FLI1: variants seen among roughly 807,000 people sequenced by gnomAD.
The protein encoded by FLI1 is Friend leukemia integration 1 transcription factor.
A neutral mutation model predicts 53.1 loss-of-function variants in FLI1; 13 were observed. The ratio of observed to expected loss-of-function variants is 0.24; its 90% CI spans 0.16 to 0.39. The LOEUF (loss-of-function observed/expected upper bound fraction) is 0.39, where lower values mean the gene tolerates loss of function less well. FLI1 is among the 10% of genes least tolerant of loss of function. FLI1 has a pLI of 1.00. For synonymous variants in FLI1, 244 were observed against 236.7 expected, an observed-to-expected ratio of 1.03 and a Z score of -0.28; for missense variants, 424 against 600.5, an observed-to-expected ratio of 0.71 and a Z score of 3.07.
chr11:128,689,418 T>C (rs1033169148), upstream of FLI1, among the ~76,000 whole-genome samples: 12 of 152,032 alleles, frequency 7.9e-5, no homozygotes, highest in South Asian at 2.1e-4. Flanking sequence ...ACCCCCCAGG[T>C]TCCTTGCTCT....
intron 1 of FLI1, among the ~76,000 whole-genome samples, chr11:128,739,897 G>T (rs535369990): frequency 6.6e-6 from 1 of 152,130 alleles, no homozygotes; most frequent in Non-Finnish European, 1.5e-5. Flanking sequence ...GATCGTTAAG[G>T]CATTTTGACA....
chr11:128,711,949 C>T (rs1161839974), intron 1 of FLI1, among the ~76,000 whole-genome samples: 2 of 152,144 alleles, frequency 1.3e-5, no homozygotes, highest in East Asian at 3.8e-4. Flanking sequence ...TTAAAACTTA[C>T]TAGTTAGACT....
intron 1 of FLI1, among the ~76,000 whole-genome samples, chr11:128,752,329 C>T (rs532216121): frequency 6.6e-6 from 1 of 152,272 alleles, no homozygotes; most frequent in South Asian, 2.1e-4. Flanking sequence ...GATTTAGGTA[C>T]TTTACTCATA....
chr11:128,691,079 A>G (rs1273291619), upstream of FLI1, among the ~76,000 whole-genome samples: 1 of 152,188 alleles, frequency 6.6e-6, no homozygotes, highest in Non-Finnish European at 1.5e-5. Context: ...CTGCCCCACT[A>G]ACACAAGACA....
intron 3 of FLI1, among the ~76,000 whole-genome samples, chr11:128,770,609 G>C (rs1941516105): frequency 6.6e-6 from 1 of 152,140 alleles, no homozygotes; most frequent in Non-Finnish European, 1.5e-5. Flanking sequence ...TAGAGGGAGA[G>C]TAATAATATT....
chr11:128,740,338 C>T (rs1940080650), intron 1 of FLI1, among the ~76,000 whole-genome samples: 1 of 152,242 alleles, frequency 6.6e-6, no homozygotes, highest in South Asian at 2.1e-4. Flanking sequence ...TATCTATTCA[C>T]TTCTTCCCTT....
chr11:128,689,168 CAAA>C (rs563331729), upstream of FLI1, among the ~76,000 whole-genome samples: 1,748 of 151,850 alleles, frequency 0.012, 41 homozygotes, highest in African/African-American at 0.04. Flanking sequence ...AGCTAGAATT[CAAA>C]CCTAGGTGCG....
At chr11:128,694,397 C>A (rs1490178197) in intron 1 of FLI1, 121 bp downstream of exon 1, 2 of 808,600 alleles carry the variant, frequency 2.5e-6, no homozygotes, top group South Asian at 6.0e-5. Context: ...CTCCGCGCCC[C>A]GGCTTCGCGC....
At chr11:128,789,336 A>T (rs978892735) in intron 5 of FLI1, among the ~76,000 whole-genome samples, 1 of 152,120 alleles carries the variant, frequency 6.6e-6, no homozygotes, top group East Asian at 1.9e-4. Context: ...TGGATGTTTC[A>T]TTGTGAGACA....
chr11:128,692,304 CCAGG>C (rs1038666014), upstream of FLI1, among the ~76,000 whole-genome samples: 5 of 152,100 alleles, frequency 3.3e-5, no homozygotes, highest in Non-Finnish European at 7.4e-5. Context: ...ACTGGTGGCC[CCAGG>C]CAAAGGGGGG....
intron 1 of FLI1, among the ~76,000 whole-genome samples, chr11:128,740,950 T>C (rs899808845): frequency 6.6e-6 from 1 of 152,168 alleles, no homozygotes; most frequent in Admixed American, 6.5e-5. Context: ...CCCGTTCTCA[T>C]GCCAACGTTG....
intron 1 of FLI1, among the ~76,000 whole-genome samples, chr11:128,755,999 G>C (rs146380775): frequency 2.0e-3 from 308 of 152,316 alleles, no homozygotes; most frequent in African/African-American, 7.2e-3. Flanking sequence ...ACAGCCCATG[G>C]AGCAGGTTGT....
Position 128,694,231 on chromosome 11 carries a change from TG to T in FLI1, c.-22del, listed in dbSNP as rs746564927. 2.7e-6 allele frequency: 4 copies of T among 1,507,294 alleles called. No individual in the cohort carries two copies. Among genetic ancestry groups the T allele is most frequent in the Admixed American group, 2.3e-5 (1 of 44,104 alleles). 93.4% of individuals were successfully genotyped at this position (1,507,294 alleles called of 1,614,324 possible). Reference sequence around the variant, plus strand: ...GTAACCGGGTCAATGTGTGGAATATTGGGGGGCTCGGCTGCAGACTTGGCCA... The same window carrying T: ...GTAACCGGGTCAATGTGTGGAATATTGGGGGCTCGGCTGCAGACTTGGCCA... On this transcript the variant is annotated 5_prime_UTR_variant, in exon 1 of 9. Transcript: ENST00000527786.
chr11:128,805,106 G>A (rs1222601941), intron 5 of FLI1: 5 of 366,506 alleles, frequency 1.4e-5, no homozygotes, highest in Non-Finnish European at 1.9e-5. Flanking sequence ...GTGTCAGGAA[G>A]AGAACTTGAA....
intron 1 of FLI1, among the ~76,000 whole-genome samples, chr11:128,694,671 T>A (rs1324774593): frequency 1.3e-5 from 2 of 152,012 alleles, no homozygotes; most frequent in African/African-American, 2.4e-5. Context: ...CGCTAGGCAC[T>A]GGGCTTCCTC....
chr11:128,711,150 TC>T (rs1309499463), intron 1 of FLI1, among the ~76,000 whole-genome samples: 1 of 152,238 alleles, frequency 6.6e-6, no homozygotes, highest in Non-Finnish European at 1.5e-5. Context: ...TGTTCTTTTT[TC>T]ATTAAGTCAA....
Position 128,772,832 on chromosome 11 carries a change from A to C in FLI1, c.436A>C (p.Ile146Leu). Residue 146 changes from isoleucine to leucine, a missense_variant, in exon 4 of 9, where the codon ATA becomes CTA. Ile to Leu is a conservative substitution (Grantham distance 5). Around this residue, in one of 5 missense-constraint regions of FLI1, gnomAD observed 15 missense variants for 39.4 expected, o/e 0.38. Transcript: ENST00000527786. ...TGTGAGGCAATGGCTGGAGTGGGCC[A>C]TAAAGGAGTACAGCTTGATGGAGAT... ...EHVRQWLEWA[I>L]KEYSLMEIDT... 1 of 1,613,978 alleles carries C rather than the reference A, an allele frequency of 6.2e-7. No individual in the cohort carries two copies. Among genetic ancestry groups the C allele is most frequent in the Non-Finnish European group, 8.5e-7 (1 of 1,179,868 alleles).
At chr11:128,741,960 T>G in intron 1 of FLI1, among the ~76,000 whole-genome samples, 1 of 152,222 alleles carries the variant, frequency 6.6e-6, no homozygotes, top group Non-Finnish European at 1.5e-5. Flanking sequence ...GTAAATGCCA[T>G]GTGCTTTCCA....
In FLI1 at chr11:128,694,099, G is replaced by C. The variant is rs1937903563; in HGVS notation, c.-160G>C. ...CTTTCGCTCCGCTACAACAACAAAC[G>C]TGCACAGGGGAGTGAGGGCAGGGCG... On this transcript the variant is annotated 5_prime_UTR_variant, in exon 1 of 9. Transcript: ENST00000527786. The C allele has an allele frequency of 3.5e-6, 2 of 566,374 alleles. No individual in the cohort carries two copies. Among genetic ancestry groups the C allele is most frequent in the Non-Finnish European group, 5.8e-6 (2 of 343,688 alleles). 35.1% of individuals were successfully genotyped at this position (566,374 alleles called of 1,614,324 possible).
Sources: gnomAD v4.1 joint callset for allele counts (sites outside exome capture counted in the v4.1 genomes callset) on GRCh38, gnomAD v4.1.1 for gene constraint, gnomAD v4.1.1 regional missense constraint, MANE v1.5 for transcripts, NCBI Gene and HGNC (gene_info 2026-07-23, HGNC 2026-07-21) for gene names.